Variants in CNTN5 observed in about 807,000 individuals in gnomAD.
CNTN5 encodes the protein contactin-5.
Under a neutral mutation model 129.1 loss-of-function variants are expected in CNTN5, and 77 were observed. The ratio of observed to expected loss-of-function variants is 0.60; its 90% CI spans 0.50 to 0.72. The LOEUF (loss-of-function observed/expected upper bound fraction) is 0.72. CNTN5 is among the 30% of genes least tolerant of loss of function. The pLI, the probability that CNTN5 is intolerant of heterozygous loss-of-function variation, is 0.00. For missense variants in CNTN5, 1,478 were observed against 1,328.8 expected (o/e 1.11, Z -1.75); for synonymous variants, 509 against 465.6 (o/e 1.09, Z -1.20).
chr11:100,278,485 T>G (rs958836293), intron 18 of CNTN5, among the ~76,000 whole-genome samples: 2 of 151,998 alleles, frequency 1.3e-5, no homozygotes, highest in African/African-American at 4.8e-5. Flanking sequence ...TTTCAATGTA[T>G]TGCATCAGTT....
In CNTN5 at chr11:99,724,167, A is replaced by G. The variant is rs114621716; in HGVS notation, c.56-95377A>G. The stretch of plus-strand genomic sequence containing the variant: ...CAGGCTCCTCTTCAGTGCCTGGAGC[A>G]TGTTCCGTCTTATGCCTATTGAAAT... On this transcript the variant is annotated intron_variant, in intron 3 of 24. Coordinates refer to ENST00000524871, the MANE Select transcript of CNTN5 (RefSeq NM_014361.4). Among the ~76,000 whole-genome samples, 476 of 152,212 alleles carry G rather than the reference A, an allele frequency of 3.1e-3. 2 individuals carry two copies. Among genetic ancestry groups the G allele is most frequent in the African/African-American group, 0.011 (445 of 41,534 alleles).
intron 2 of CNTN5, among the ~76,000 whole-genome samples, chr11:99,485,929 T>G (rs576749083): frequency 6.6e-6 from 1 of 152,056 alleles, no homozygotes; most frequent in African/African-American, 2.4e-5. Flanking sequence ...TTTGTAATCA[T>G]GGACTAATAA....
At chr11:99,826,856 AAAT>A (rs1315641971) in intron 4 of CNTN5, among the ~76,000 whole-genome samples, 2 of 152,184 alleles carry the variant, frequency 1.3e-5, no homozygotes, top group African/African-American at 2.4e-5. Context: ...TGCAGATTTA[AAAT>A]AATAATAAAG....
intron 3 of CNTN5, among the ~76,000 whole-genome samples, chr11:99,599,507 C>T (rs192499463): frequency 1.1e-3 from 161 of 152,112 alleles, no homozygotes; most frequent in Middle Eastern, 3.4e-3. Flanking sequence ...GATAATATTT[C>T]GGTGTTATTT....
intron 1 of CNTN5, among the ~76,000 whole-genome samples, chr11:99,229,335 A>G (rs1287927124): frequency 6.6e-6 from 1 of 152,082 alleles, no homozygotes; most frequent in East Asian, 1.9e-4. Flanking sequence ...AATTAATAAA[A>G]TATGGTCTTT....
chr11:100,019,710 T>C (rs1941026447), intron 9 of CNTN5, among the ~76,000 whole-genome samples: 1 of 152,034 alleles, frequency 6.6e-6, no homozygotes, highest in Admixed American at 6.6e-5. Flanking sequence ...TACTCAGAAG[T>C]AGAATTGTTG....
At chr11:99,889,802 C>A (rs1949010867) in intron 6 of CNTN5, among the ~76,000 whole-genome samples, 1 of 152,140 alleles carries the variant, frequency 6.6e-6, no homozygotes, top group South Asian at 2.1e-4. Context: ...CTGCCTTGGT[C>A]TCCCAGAGTG....
chr11:99,412,364 A>G (rs1317615808), intron 2 of CNTN5, among the ~76,000 whole-genome samples: 1 of 152,210 alleles, frequency 6.6e-6, no homozygotes, highest in Non-Finnish European at 1.5e-5. Context: ...TAGGGAATAT[A>G]TATAAAGATC....
intron 1 of CNTN5, among the ~76,000 whole-genome samples, chr11:99,207,702 A>G (rs564914483): frequency 7.9e-5 from 12 of 152,332 alleles, no homozygotes; most frequent in African/African-American, 2.9e-4. Context: ...TTATAACAAA[A>G]TACAAACATT....
chr11:100,334,845 A>G (rs1364478274), intron 21 of CNTN5, among the ~76,000 whole-genome samples: 2 of 152,138 alleles, frequency 1.3e-5, no homozygotes, highest in Admixed American at 6.5e-5. Flanking sequence ...CTTGGGTGAT[A>G]GGTGCACCAA....
intron 1 of CNTN5, among the ~76,000 whole-genome samples, chr11:99,044,880 T>C (rs1244074554): frequency 1.3e-5 from 2 of 152,160 alleles, no homozygotes; most frequent in South Asian, 2.1e-4. Context: ...CAGCACAACA[T>C]AGTGAACAAA....
At chr11:99,902,782 A>G (rs1023143806) in intron 6 of CNTN5, among the ~76,000 whole-genome samples, 1 of 152,110 alleles carries the variant, frequency 6.6e-6, no homozygotes, top group African/African-American at 2.4e-5. Context: ...AGTATTACCC[A>G]AAGATTATTT....
chr11:99,685,680 G>A (rs1953760111), intron 3 of CNTN5, among the ~76,000 whole-genome samples: 1 of 151,878 alleles, frequency 6.6e-6, no homozygotes, highest in South Asian at 2.1e-4. Flanking sequence ...GTGTTCACAT[G>A]GTGAATAATT....
chr11:100,039,046 G>T (rs1942214552), intron 9 of CNTN5, among the ~76,000 whole-genome samples: 1 of 152,150 alleles, frequency 6.6e-6, no homozygotes, highest in African/African-American at 2.4e-5. Flanking sequence ...ATTAGTTGAT[G>T]CAGTTTCTTC....
At chr11:99,373,461 C>T (rs1939955741) in intron 2 of CNTN5, among the ~76,000 whole-genome samples, 1 of 151,832 alleles carries the variant, frequency 6.6e-6, no homozygotes, top group Non-Finnish European at 1.5e-5. Flanking sequence ...TGCCTGTAAT[C>T]CCAGCACTTT....
At chr11:99,039,640 C>T (rs926597463) in intron 1 of CNTN5, among the ~76,000 whole-genome samples, 2 of 152,042 alleles carry the variant, frequency 1.3e-5, no homozygotes, top group Admixed American at 6.6e-5. Context: ...TTAAAATTAC[C>T]TTCTTACCTC....
At chr11:99,456,830 T>C (rs1944513501) in intron 2 of CNTN5, among the ~76,000 whole-genome samples, 1 of 152,064 alleles carries the variant, frequency 6.6e-6, no homozygotes, top group African/African-American at 2.4e-5. Flanking sequence ...CATTTTAAAG[T>C]TGCAAGAACT....
chr11:99,755,849 C>T (rs1011702824), intron 3 of CNTN5, among the ~76,000 whole-genome samples: 1 of 152,006 alleles, frequency 6.6e-6, no homozygotes, highest in East Asian at 1.9e-4. Flanking sequence ...TTTCAAGTGA[C>T]ATTTTAATAT....
At chr11:99,081,260 T>C (rs756930487) in intron 1 of CNTN5, among the ~76,000 whole-genome samples, 43 of 152,314 alleles carry the variant, frequency 2.8e-4, no homozygotes, top group Admixed American at 8.5e-4. Flanking sequence ...TCGATATGTT[T>C]AGTGCTTTTT....
Sources: allele counts gnomAD v4.1 joint callset (sites outside exome capture counted in the v4.1 genomes callset), GRCh38; gene constraint gnomAD v4.1.1; transcripts MANE v1.5; gene names NCBI Gene and HGNC (gene_info 2026-07-23, HGNC 2026-07-21).